Variants in NODAL observed in about 807,000 individuals in gnomAD.
NODAL encodes nodal homolog.
NODAL carries 12 observed loss-of-function variants against 34.0 expected under a neutral mutation model. That is an observed-to-expected ratio of 0.35 (90% CI 0.23 to 0.57). The LOEUF is 0.57. NODAL is among the 20% of genes least tolerant of loss of function. The pLI, the probability that NODAL is intolerant of heterozygous loss-of-function variation, is 0.83. For missense variants in NODAL, 390 were observed against 444.2 expected, an observed-to-expected ratio of 0.88 and a Z score of 1.10; for synonymous variants, 162 against 186.4, an observed-to-expected ratio of 0.87 and a Z score of 1.07.
chr10:70,440,251 T>C (rs1237640008), intron 1 of NODAL, among the ~76,000 whole-genome samples: 4 of 152,262 alleles, frequency 2.6e-5, no homozygotes. Context: ...CATCTCGAAC[T>C]TTCCAGAAGG....
rs1281236795 is a variant in NODAL at position 70,435,391 on chromosome 10, G to T, written c.786C>A (p.Gly262=). The change falls in exon 2 of 3, where the codon GGC becomes GGA. Residue 262 remains glycine (G), a synonymous_variant. Transcript: ENST00000287139. ...FQVDFNLIGW[G]SWIIYPKQYN... ...ACTGCTTGGGGTAGATGATCCAGGA[G>T]CCCCATCCGATCAGGTTGAAGTCCA... is the stretch of plus-strand genomic sequence containing the variant. 6.2e-7 allele frequency: 1 copy of T among 1,614,054 alleles called. No homozygotes were observed. Among genetic ancestry groups the T allele is most frequent in the Non-Finnish European group, 8.5e-7 (1 of 1,180,042 alleles).
At chr10:70,443,788 A>G (rs1418466139), upstream of NODAL, among the ~76,000 whole-genome samples, 3 of 151,708 alleles carry the variant, frequency 2.0e-5, no homozygotes, top group Non-Finnish European at 4.4e-5. Context: ...GCAGTGGGTC[A>G]AGATTGCGCC....
Position 70,432,905 on chromosome 10 carries a change from C to T in NODAL, c.*31G>A. 6.2e-7 allele frequency: 1 copy of T among 1,612,188 alleles called. No homozygotes were observed. Among genetic ancestry groups the T allele is most frequent in the Non-Finnish European group, 8.5e-7 (1 of 1,178,306 alleles). ...AGGAGTTTCCCAGCCTTCCAGAGTGCAGGCAAATCCAGTCTCCCTCCAGGA... is the reference window on the plus strand; with the variant it reads ...AGGAGTTTCCCAGCCTTCCAGAGTGTAGGCAAATCCAGTCTCCCTCCAGGA... On this transcript the variant is annotated 3_prime_UTR_variant, in exon 3 of 3. Transcript: ENST00000287139.
upstream of NODAL, among the ~76,000 whole-genome samples, chr10:70,446,135 G>A (rs919595107): frequency 1.3e-5 from 2 of 152,152 alleles, no homozygotes; most frequent in South Asian, 4.1e-4. Flanking sequence ...CTTTTTCCAG[G>A]TGAGGAATGA....
chr10:70,440,199 G>A (rs1307037820), intron 1 of NODAL, among the ~76,000 whole-genome samples: 1 of 152,194 alleles, frequency 6.6e-6, no homozygotes, highest in African/African-American at 2.4e-5. Context: ...CAGGATTTGA[G>A]GCCTAGAACC....
At chr10:70,439,575 C>T (rs1845402264) in intron 1 of NODAL, among the ~76,000 whole-genome samples, 1 of 152,194 alleles carries the variant, frequency 6.6e-6, no homozygotes, top group Non-Finnish European at 1.5e-5. Flanking sequence ...GGTTAAACGG[C>T]AACAGATACA....
At chr10:70,439,330 C>G (rs945264312) in intron 1 of NODAL, among the ~76,000 whole-genome samples, 9 of 152,194 alleles carry the variant, frequency 5.9e-5, no homozygotes, top group Non-Finnish European at 1.0e-4. Context: ...AAGAAAGTGG[C>G]TCACACCCTT....
At chr10:70,445,875 G>A (rs1000799131), upstream of NODAL, among the ~76,000 whole-genome samples, 1 of 152,180 alleles carries the variant, frequency 6.6e-6, no homozygotes, top group Non-Finnish European at 1.5e-5. Flanking sequence ...GGGTCCAACA[G>A]CTGCAGACAG....
chr10:70,437,652 G>A (rs1845373748), intron 1 of NODAL, among the ~76,000 whole-genome samples: 1 of 152,140 alleles, frequency 6.6e-6, no homozygotes, highest in Non-Finnish European at 1.5e-5. Context: ...GACTCTGGAG[G>A]TAGTGATGAT....
At chr10:70,445,117 G>A (rs1354610805), upstream of NODAL, among the ~76,000 whole-genome samples, 1 of 152,076 alleles carries the variant, frequency 6.6e-6, no homozygotes, top group African/African-American at 2.4e-5. Flanking sequence ...TCACCATGTG[G>A]CCTAGTGTGT....
chr10:70,433,722 C>T (rs1424583639), intron 2 of NODAL, among the ~76,000 whole-genome samples: 1 of 152,108 alleles, frequency 6.6e-6, no homozygotes, highest in Non-Finnish European at 1.5e-5. Context: ...GCTGTGAATA[C>T]CAATTTTTAA....
At chr10:70,439,753 T>TA (rs1845405041) in intron 1 of NODAL, among the ~76,000 whole-genome samples, 1 of 152,148 alleles carries the variant, frequency 6.6e-6, no homozygotes, top group Admixed American at 6.6e-5. Context: ...ATTCACAACG[T>TA]AACTGTGCCA....
intron 1 of NODAL, among the ~76,000 whole-genome samples, chr10:70,438,186 T>TG (rs763924766): frequency 2.0e-5 from 3 of 151,818 alleles, no homozygotes; most frequent in Non-Finnish European, 4.4e-5. Flanking sequence ...CCCAGCTACT[T>TG]GAGAGGCAGA....
chr10:70,444,600 G>T (rs1845468618), upstream of NODAL, among the ~76,000 whole-genome samples: 1 of 152,150 alleles, frequency 6.6e-6, no homozygotes, highest in East Asian at 1.9e-4. Context: ...CTCCATAAGT[G>T]CTGGGATTAC....
intron 2 of NODAL, 170 bp downstream of exon 2, chr10:70,435,116 G>GT: frequency 4.6e-6 from 3 of 646,554 alleles, no homozygotes; most frequent in Non-Finnish European, 8.2e-6. Flanking sequence ...CTATAAGGAT[G>GT]TTACACTCGG....
At chr10:70,444,329 C>CT (rs34924993), upstream of NODAL, among the ~76,000 whole-genome samples, 72 of 124,158 alleles carry the variant, frequency 5.8e-4, no homozygotes, top group East Asian at 1.8e-3. Context: ...TCCAGTGATA[C>CT]TTTTTTTTTT....
upstream of NODAL, among the ~76,000 whole-genome samples, chr10:70,445,327 G>A (rs574109589): frequency 5.9e-5 from 9 of 152,188 alleles, no homozygotes; most frequent in East Asian, 5.8e-4. Context: ...GTGCCATCTC[G>A]GCTCACTGCA....
In NODAL at chr10:70,435,761, A is replaced by G. The variant is rs767390431; in HGVS notation, c.416T>C (p.Val139Ala). The change falls in exon 2 of 3, where the codon GTC becomes GCC. Residue 139 changes from valine to alanine, a missense_variant. Coordinates refer to ENST00000287139, the MANE Select transcript of NODAL (RefSeq NM_018055.5). ...LERFQMDLFT[V>A]TLSQVTFSLG... ...GGAAAAGGTGACCTGGGACAAAGTG[A>G]CAGTGAATAGGTCCATCTGAAACCG... 23 of 1,614,206 alleles carry G rather than the reference A, an allele frequency of 1.4e-5. No individual in the cohort carries two copies. The highest frequency in any genetic ancestry group is 1.9e-5 in the Non-Finnish European group (22 of 1,180,044).
At chr10:70,438,802 T>C (rs751835531) in intron 1 of NODAL, among the ~76,000 whole-genome samples, 9 of 152,226 alleles carry the variant, frequency 5.9e-5, no homozygotes, top group Non-Finnish European at 1.3e-4. Context: ...CTCTGGTTCA[T>C]CTTAGAATAA....
Sources: gnomAD v4.1 joint callset for allele counts (sites outside exome capture counted in the v4.1 genomes callset) on GRCh38, gnomAD v4.1.1 for gene constraint, MANE v1.5 for transcripts, NCBI Gene and HGNC (gene_info 2026-07-23, HGNC 2026-07-21) for gene names.